The following MAML2 variants were observed in gnomAD, a reference collection of about 807,000 sequenced individuals.
The protein encoded by MAML2 is mastermind like transcriptional coactivator 2, also known as mastermind-like protein 2.
In MAML2, 22 loss-of-function variants were observed where a neutral mutation model predicts 96.1. The ratio of observed to expected loss-of-function variants is 0.23; its 90% CI spans 0.16 to 0.33. The LOEUF (loss-of-function observed/expected upper bound fraction) is 0.33, where lower values mean the gene tolerates loss of function less well. Among genes scored for constraint, MAML2 ranks in the 10% least tolerant of loss-of-function variants. The pLI, the probability that MAML2 is intolerant of heterozygous loss-of-function variation, is 1.00. For synonymous variants in MAML2, 561 were observed against 521.3 expected (o/e 1.08, Z -1.04); for missense variants, 1,367 against 1,392.4 (o/e 0.98, Z 0.29).
intron 1 of MAML2, among the ~76,000 whole-genome samples, chr11:96,282,092 A>T (rs760882305): frequency 3.3e-4 from 50 of 151,896 alleles, no homozygotes; most frequent in Non-Finnish European, 3.7e-4. Context: ...TACTAAAAAT[A>T]CAAAAAATTA....
intron 1 of MAML2, among the ~76,000 whole-genome samples, chr11:96,294,012 A>G (rs1404719855): frequency 2.6e-5 from 4 of 152,206 alleles, no homozygotes; most frequent in Admixed American, 2.6e-4. Flanking sequence ...TGAATGCCCA[A>G]AGTACAGAAA....
chr11:96,260,090 T>G (rs1862726738), intron 1 of MAML2, among the ~76,000 whole-genome samples: 1 of 152,044 alleles, frequency 6.6e-6, no homozygotes. Context: ...TGTGCCACCT[T>G]CCTAAAGGCC....
At chr11:96,285,360 AC>A (rs1406302924) in intron 1 of MAML2, among the ~76,000 whole-genome samples, 1 of 152,202 alleles carries the variant, frequency 6.6e-6, no homozygotes, top group Admixed American at 6.5e-5. Flanking sequence ...AAAATCCCAA[AC>A]TTTAAACACC....
At chr11:96,119,587 A>G (rs953893493) in intron 1 of MAML2, among the ~76,000 whole-genome samples, 12 of 152,212 alleles carry the variant, frequency 7.9e-5, no homozygotes, top group African/African-American at 2.7e-4. Context: ...TTATGGCAAC[A>G]ATAGGAAACT....
intron 1 of MAML2, among the ~76,000 whole-genome samples, chr11:96,215,220 A>AGGG (rs1231006659): frequency 4.5e-4 from 68 of 152,364 alleles, no homozygotes; most frequent in Non-Finnish European, 7.6e-4. Context: ...ATTCCAACTC[A>AGGG]GAAATAAATC....
At chr11:96,234,533 C>T (rs1160920087) in intron 1 of MAML2, among the ~76,000 whole-genome samples, 2 of 152,110 alleles carry the variant, frequency 1.3e-5, no homozygotes, top group African/African-American at 4.8e-5. Flanking sequence ...AATGGGATAG[C>T]AGATTTTAAT....
At chr11:96,095,940 T>C (rs1859818999) in intron 1 of MAML2, among the ~76,000 whole-genome samples, 2 of 152,130 alleles carry the variant, frequency 1.3e-5, no homozygotes, top group Admixed American at 6.5e-5. Flanking sequence ...CTCACTGGTG[T>C]AGACATCATC....
At position 96,342,897 on chromosome 11, in the gene MAML2, G is replaced by A. The variant is rs1864019815; in HGVS notation, c.-1002C>T. On this transcript the variant is annotated 5_prime_UTR_variant, in exon 1 of 5. Coordinates refer to ENST00000524717, the MANE Select transcript of MAML2 (RefSeq NM_032427.4). ...TTCCGAGAGTAATTTACAAACGATG[G>A]TCAAACTTACAAACTTCCAGCAAAT... The A allele has an allele frequency of 2.7e-6, 1 of 367,176 alleles. No individual in the cohort carries two copies. The highest frequency in any genetic ancestry group is 2.1e-5 in the African/African-American group (1 of 48,072). 22.7% of individuals were successfully genotyped at this position (367,176 alleles called of 1,614,324 possible).
chr11:96,166,177 T>TCACACACACACA (rs1555018442), intron 1 of MAML2, among the ~76,000 whole-genome samples: 24 of 110,382 alleles, frequency 2.2e-4, no homozygotes, highest in African/African-American at 8.0e-4. Flanking sequence ...TCTCTCTCTC[T>TCACACACACACA]CACACACACA....
intron 1 of MAML2, among the ~76,000 whole-genome samples, chr11:96,284,780 T>C (rs1055208312): frequency 6.6e-6 from 1 of 152,216 alleles, no homozygotes; most frequent in African/African-American, 2.4e-5. Flanking sequence ...TTACAAAATC[T>C]CCATAAATAT....
At chr11:96,004,090 A>G (rs1279729004) in intron 2 of MAML2, among the ~76,000 whole-genome samples, 1 of 152,198 alleles carries the variant, frequency 6.6e-6, no homozygotes, top group African/African-American at 2.4e-5. Flanking sequence ...CTGTATATCA[A>G]GCCTATACTT....
At chr11:96,219,239 A>T (rs906587228) in intron 1 of MAML2, among the ~76,000 whole-genome samples, 1 of 152,238 alleles carries the variant, frequency 6.6e-6, no homozygotes, top group Non-Finnish European at 1.5e-5. Flanking sequence ...AGTCAAGATG[A>T]GGACAGAGAT....
At chr11:96,200,725 G>A (rs1477862893) in intron 1 of MAML2, among the ~76,000 whole-genome samples, 1 of 152,180 alleles carries the variant, frequency 6.6e-6, no homozygotes, top group Non-Finnish European at 1.5e-5. Context: ...TGTGTATTTG[G>A]TGGAGGGTGG....
At chr11:96,100,628 G>A (rs1250059094) in intron 1 of MAML2, among the ~76,000 whole-genome samples, 1 of 151,494 alleles carries the variant, frequency 6.6e-6, no homozygotes, top group Admixed American at 6.6e-5. Context: ...GTTGTCTTTA[G>A]TGTAAGGGTC....
chr11:96,018,792 T>C (rs1858393415), intron 2 of MAML2, among the ~76,000 whole-genome samples: 1 of 152,188 alleles, frequency 6.6e-6, no homozygotes, highest in Admixed American at 6.5e-5. Flanking sequence ...TTTCACCATG[T>C]TGGCCAGCCT....
At chr11:96,280,712 A>G (rs1271477994) in intron 1 of MAML2, among the ~76,000 whole-genome samples, 1 of 152,222 alleles carries the variant, frequency 6.6e-6, no homozygotes, top group Non-Finnish European at 1.5e-5. Flanking sequence ...GTGCTGCCCT[A>G]TTTGCAACAT....
At chr11:96,007,424 C>G (rs1858200754) in intron 2 of MAML2, among the ~76,000 whole-genome samples, 1 of 152,122 alleles carries the variant, frequency 6.6e-6, no homozygotes, top group African/African-American at 2.4e-5. Flanking sequence ...CAGAATAAGG[C>G]AGGTCTATCT....
At chr11:96,137,998 T>A (rs1860664558) in intron 1 of MAML2, among the ~76,000 whole-genome samples, 1 of 152,206 alleles carries the variant, frequency 6.6e-6, no homozygotes, top group Non-Finnish European at 1.5e-5. Context: ...TTGGCCTCTG[T>A]CATTCCTATT....
intron 1 of MAML2, among the ~76,000 whole-genome samples, chr11:96,206,165 G>A (rs547524488): frequency 6.6e-6 from 1 of 151,816 alleles, no homozygotes; most frequent in South Asian, 2.1e-4. Context: ...AATGCTTTGT[G>A]AACATGGAAA....
Sources: gnomAD v4.1 joint callset for allele counts (sites outside exome capture counted in the v4.1 genomes callset) on GRCh38, gnomAD v4.1.1 for gene constraint, MANE v1.5 for transcripts, NCBI Gene and HGNC (gene_info 2026-07-23, HGNC 2026-07-21) for gene names.